Variants in PARP8 observed in about 807,000 individuals in gnomAD.
PARP8 encodes poly(ADP-ribose) polymerase family member 8.
A neutral mutation model predicts 124.1 loss-of-function variants in PARP8; 51 were observed. The ratio of observed to expected loss-of-function variants is 0.41; its 90% CI spans 0.33 to 0.52. PARP8 has a LOEUF of 0.52. Ranked by LOEUF, PARP8 falls within the 20% of genes least tolerant of loss-of-function variation. The probability of loss-of-function intolerance (pLI) is 0.21; values close to 1 mark genes in which losing one functional copy is unlikely to be tolerated. For synonymous variants in PARP8, 391 were observed against 361.5 expected, an observed-to-expected ratio of 1.08 and a Z score of -0.93; for missense variants, 860 against 1,018.9, an observed-to-expected ratio of 0.84 and a Z score of 2.12.
chr5:50,824,292 CAGGACACTTGTAA>C (rs1381524615), intron 17 of PARP8, among the ~76,000 whole-genome samples: 1 of 152,138 alleles, frequency 6.6e-6, no homozygotes, highest in Non-Finnish European at 1.5e-5. Context: ...AGAAACTTTA[CAGGACACTTGTAA>C]AGGTGGCAAG....
intron 14 of PARP8, among the ~76,000 whole-genome samples, chr5:50,802,825 T>C (rs1743384560): frequency 6.6e-6 from 1 of 152,216 alleles, no homozygotes; most frequent in Non-Finnish European, 1.5e-5. Context: ...TATCAATGTA[T>C]TATATCTATG....
chr5:50,747,097 T>G (rs1369576368), intron 2 of PARP8, among the ~76,000 whole-genome samples: 1 of 151,708 alleles, frequency 6.6e-6, no homozygotes, highest in Admixed American at 6.6e-5. Context: ...TTGGTCTGTT[T>G]ACTAATCATA....
chr5:50,830,822 G>A (rs1223440286), intron 22 of PARP8, among the ~76,000 whole-genome samples: 1 of 87,094 alleles, frequency 1.1e-5, no homozygotes, highest in Non-Finnish European at 2.2e-5. Context: ...GCTCATGCGT[G>A]TGTGTGTGTG....
intron 2 of PARP8, among the ~76,000 whole-genome samples, chr5:50,747,309 A>G (rs973318124): frequency 4.6e-5 from 7 of 151,984 alleles, no homozygotes; most frequent in African/African-American, 7.2e-5. Context: ...AACCCAGGGT[A>G]TAAGCTATGC....
At chr5:50,807,014 A>G (rs1482380172) in intron 14 of PARP8, among the ~76,000 whole-genome samples, 1 of 151,920 alleles carries the variant, frequency 6.6e-6, no homozygotes, top group Non-Finnish European at 1.5e-5. Flanking sequence ...ATAGAATTCT[A>G]TGCCTATTCT....
chr5:50,706,630 C>T (rs1161465775), intron 2 of PARP8, among the ~76,000 whole-genome samples: 2 of 152,170 alleles, frequency 1.3e-5, no homozygotes, highest in South Asian at 4.1e-4. Flanking sequence ...ATTTTCTCAG[C>T]ATATTATACC....
intron 2 of PARP8, among the ~76,000 whole-genome samples, chr5:50,749,522 A>G (rs1273684659): frequency 6.6e-6 from 1 of 152,162 alleles, no homozygotes; most frequent in Non-Finnish European, 1.5e-5. Flanking sequence ...CAGCAGGGTT[A>G]CTGAGAAGTG....
chr5:50,833,939 T>C (rs755875984), intron 23 of PARP8, 40 bp from the exon 24 acceptor site: 1 of 1,547,964 alleles, frequency 6.5e-7, no homozygotes, highest in Non-Finnish European at 8.9e-7. Flanking sequence ...CACAAAGTGT[T>C]TCATTCTGAC....
chr5:50,745,562 A>G lies in PARP8; in HGVS notation c.147-4589A>G, dbSNP rs369383213. On this transcript the variant is annotated intron_variant, in intron 2 of 25. Transcript: ENST00000281631. Reference sequence around the variant, plus strand: ...CCCAGCTAGTAAGCCTCAAAGCTGCATTGGACTCCTATTTGTCTGTCTTGA... The same window carrying G: ...CCCAGCTAGTAAGCCTCAAAGCTGCGTTGGACTCCTATTTGTCTGTCTTGA... 3.9e-5 allele frequency among the ~76,000 whole-genome samples: 6 copies of G among 152,314 alleles called. No individual in the cohort carries two copies. The East Asian group carries it at 9.6e-4, about 24-fold the overall frequency.
intron 2 of PARP8, among the ~76,000 whole-genome samples, chr5:50,717,646 A>G (rs548871227): frequency 6.6e-6 from 1 of 152,100 alleles, no homozygotes; most frequent in African/African-American, 2.4e-5. Context: ...TTTAGAGGCT[A>G]AGCAAGAAGA....
intron 2 of PARP8, among the ~76,000 whole-genome samples, chr5:50,685,060 C>T (rs1361663639): frequency 3.9e-5 from 6 of 152,014 alleles, no homozygotes; most frequent in Non-Finnish European, 5.9e-5. Flanking sequence ...TGATCATTCT[C>T]TTTGCATTTA....
Position 50,782,719 on chromosome 5 carries a change from C to T in PARP8, c.670+4069C>T, listed in dbSNP as rs143146587. Among the ~76,000 whole-genome samples the T allele has an allele frequency of 9.3e-5, 14 of 151,330 alleles. No homozygotes were observed. The East Asian group carries it at 1.6e-3, about 17-fold the overall frequency. On this transcript the variant is annotated intron_variant, in intron 9 of 25. Transcript: ENST00000281631. Reference sequence around the variant, plus strand: ...TGCCCAATCTCAGTATCCCATTTTACGGTGTGTTGCCTGGGACCACTCCTA... The same window carrying T: ...TGCCCAATCTCAGTATCCCATTTTATGGTGTGTTGCCTGGGACCACTCCTA...
intron 2 of PARP8, among the ~76,000 whole-genome samples, chr5:50,686,935 G>T (rs1751931953): frequency 6.6e-6 from 1 of 152,192 alleles, no homozygotes; most frequent in African/African-American, 2.4e-5. Context: ...GATGGGAGGG[G>T]CTGCCGTGAA....
chr5:50,818,765 T>C (rs1415164084), intron 15 of PARP8, among the ~76,000 whole-genome samples: 2 of 152,208 alleles, frequency 1.3e-5, no homozygotes, highest in African/African-American at 4.8e-5. Context: ...AATTGTATTA[T>C]AAATGTTTTT....
intron 2 of PARP8, among the ~76,000 whole-genome samples, chr5:50,680,181 A>T (rs1408265088): frequency 6.6e-6 from 1 of 151,930 alleles, no homozygotes. Context: ...TAGGCTGTCC[A>T]CTCTGCCTTC....
At chr5:50,809,907 C>A (rs1744249428) in intron 14 of PARP8, among the ~76,000 whole-genome samples, 1 of 152,028 alleles carries the variant, frequency 6.6e-6, no homozygotes. Context: ...TGTATTATTT[C>A]TATTACCAGT....
intron 2 of PARP8, among the ~76,000 whole-genome samples, chr5:50,737,825 T>G (rs1349285594): frequency 6.6e-6 from 1 of 152,232 alleles, no homozygotes; most frequent in African/African-American, 2.4e-5. Context: ...TTTTTGTAAC[T>G]GAGGCTTTTA....
intron 3 of PARP8, among the ~76,000 whole-genome samples, chr5:50,753,069 GAAAT>G (rs1228826447): frequency 1.3e-5 from 2 of 151,948 alleles, no homozygotes; most frequent in Non-Finnish European, 2.9e-5. Flanking sequence ...ATTAAGTGAA[GAAAT>G]AGAGAGGCCT....
intron 19 of PARP8, among the ~76,000 whole-genome samples, chr5:50,827,398 A>G (rs1746465679): frequency 6.6e-6 from 1 of 152,138 alleles, no homozygotes; most frequent in South Asian, 2.1e-4. Context: ...TTTTCAAGCT[A>G]TTAATCCAAA....
Sources: gnomAD v4.1 joint callset for allele counts (sites outside exome capture counted in the v4.1 genomes callset) on GRCh38, gnomAD v4.1.1 for gene constraint, MANE v1.5 for transcripts, NCBI Gene and HGNC (gene_info 2026-07-23, HGNC 2026-07-21) for gene names.